Variants in KCNQ1OT1 observed in about 807,000 individuals in gnomAD.
KCNQ1OT1 encodes KCNQ1 antisense RNA 2 (non-protein coding).
chr11:2,699,966 C>T, exon 1 of KCNQ1OT1: 1 of 398,362 alleles, frequency 2.5e-6, no homozygotes, highest in Non-Finnish European at 4.4e-6. Flanking sequence ...CCCTGGAGGT[C>T]CGTGCTGAGG....
exon 1 of KCNQ1OT1, chr11:2,699,654 A>AAGAACCCCCGGGGAGAACCGCGCCGG (rs1850752012): frequency 2.8e-6 from 1 of 356,248 alleles, no homozygotes; most frequent in African/African-American, 2.2e-5. Context: ...AACCGCGCCG[A>AAGAACCCCCGGGGAGAACCGCGCCGG]AGAACCCCCG....
exon 1 of KCNQ1OT1, chr11:2,660,089 T>C (rs1849924978): frequency 1.5e-5 from 6 of 398,468 alleles, no homozygotes; most frequent in Non-Finnish European, 2.7e-5. Context: ...AGTTAAACTT[T>C]TGGTTTCGTA....
chr11:2,681,872 ACCATCTAGGTGGGGAGAAAACACACCGG>A, exon 1 of KCNQ1OT1: 1 of 398,502 alleles, frequency 2.5e-6, no homozygotes. Flanking sequence ...GCCCAGCACT[ACCATCTAGGTGGGGAGAAAACACACCGG>A]CCATAATGAA....
chr11:2,618,165 G>A, exon 1 of KCNQ1OT1: 1 of 398,368 alleles, frequency 2.5e-6, no homozygotes, highest in Non-Finnish European at 4.4e-6. Flanking sequence ...CTTATGTTTA[G>A]GTCTTTTATC....
At chr11:2,643,717 A>C (rs1362587425) in exon 1 of KCNQ1OT1, 5 of 398,406 alleles carry the variant, frequency 1.3e-5, no homozygotes, top group Non-Finnish European at 2.2e-5. Context: ...GTGTGCTTTC[A>C]TGAAGTTGTC....
chr11:2,618,996 A>C (rs1589984928), exon 1 of KCNQ1OT1: 1 of 398,238 alleles, frequency 2.5e-6, no homozygotes, highest in South Asian at 1.3e-4. Context: ...TGTGTATAGA[A>C]ATGCAACTAC....
rs976957638 is a variant in KCNQ1OT1 at position 2,670,622 on chromosome 11, G to A, written n.29373C>T. 1.5e-5 allele frequency: 6 copies of A among 398,406 alleles called. No homozygotes were observed. Among genetic ancestry groups the A allele is most frequent in the African/African-American group, 1.2e-4 (6 of 48,554 alleles). The allele number at this position is 398,406 out of a possible 1,614,324, so 24.7% of individuals were successfully genotyped here. A position where few individuals can be genotyped will look rare whatever the true frequency, so the allele number is the denominator to read the frequency against. On this transcript the variant is annotated non_coding_transcript_exon_variant, in exon 1 of 1. Transcript: ENST00000597346. This position sits in a 1 kb window ranked among gnomAD's most constrained non-coding sequence, Gnocchi z 4.9. Reference sequence around the variant, plus strand: ...AGACACACAATCTCTGGGGGAGCCTGGATATGCATGGCAGAGGCCAGGATG... The same window carrying A: ...AGACACACAATCTCTGGGGGAGCCTAGATATGCATGGCAGAGGCCAGGATG...
exon 1 of KCNQ1OT1, chr11:2,644,823 A>G: frequency 2.5e-6 from 1 of 398,672 alleles, no homozygotes; most frequent in Middle Eastern, 6.3e-4. Context: ...AAACAGCACC[A>G]GTAGTGTCTG....
exon 1 of KCNQ1OT1, chr11:2,699,648 G>A: frequency 2.8e-6 from 1 of 359,288 alleles, no homozygotes; most frequent in Non-Finnish European, 5.0e-6. Context: ...GGGGACAACC[G>A]CGCCGAAGAA....
At chr11:2,681,055 C>A (rs1850388827) in exon 1 of KCNQ1OT1, 1 of 398,384 alleles carries the variant, frequency 2.5e-6, no homozygotes, top group Non-Finnish European at 4.4e-6. Flanking sequence ...AATGTGGGCT[C>A]CAAAAAGAGA....
exon 1 of KCNQ1OT1, chr11:2,615,425 A>G (rs1404321469): frequency 5.0e-6 from 2 of 397,908 alleles, no homozygotes; most frequent in African/African-American, 4.1e-5. Context: ...CATGGTTAAA[A>G]CTTTCAGTAC....
chr11:2,661,973 C>G lies in KCNQ1OT1; in HGVS notation n.38022G>C. ...ACTTTCTCCTCAGTAAGGAAGAGCC[C>G]AACACTGCTGGAAGTGAGCATGCCC... is the stretch of plus-strand genomic sequence containing the variant. On this transcript the variant is annotated non_coding_transcript_exon_variant, in exon 1 of 1. Transcript: ENST00000597346. The surrounding 1 kb of genome is among the most constrained non-coding windows in gnomAD (Gnocchi z 5.9). The G allele has an allele frequency of 6.2e-7, 1 of 1,614,192 alleles. No individual in the cohort carries two copies. Among genetic ancestry groups the G allele is most frequent in the Non-Finnish European group, 8.5e-7 (1 of 1,180,040 alleles).
Position 2,679,054 on chromosome 11 carries a change from C to T in KCNQ1OT1, n.20941G>A. 2 of 398,608 alleles carry T rather than the reference C, an allele frequency of 5.0e-6. No homozygotes were observed. Among genetic ancestry groups the T allele is most frequent in the Non-Finnish European group, 8.8e-6 (2 of 226,064 alleles). The allele number at this position is 398,608 out of a possible 1,614,324, so 24.7% of individuals were successfully genotyped here. On this transcript the variant is annotated non_coding_transcript_exon_variant, in exon 1 of 1. Coordinates refer to ENST00000597346, the Ensembl canonical transcript of KCNQ1OT1. The surrounding 1 kb of genome is among the most constrained non-coding windows in gnomAD (Gnocchi z 4.8). ...AGCCCAGCCCCTCCTCCATACCAACCACCAAAAAAACCCACTAACACCATA... is the reference window on the plus strand; with the variant it reads ...AGCCCAGCCCCTCCTCCATACCAACTACCAAAAAAACCCACTAACACCATA...
rs1850162896 is a variant in KCNQ1OT1 at position 2,670,457 on chromosome 11, C to T, written n.29538G>A. ...ACTGCTGTTGGCTGAGACACACAGC[C>T]CACATCCTTGGTAGGTCCCTCAGAG... On this transcript the variant is annotated non_coding_transcript_exon_variant, in exon 1 of 1. Transcript: ENST00000597346. This position sits in a 1 kb window ranked among gnomAD's most constrained non-coding sequence, Gnocchi z 4.9. 7.5e-6 allele frequency: 3 copies of T among 397,478 alleles called. No individual in the cohort carries two copies. Among genetic ancestry groups the T allele is most frequent in the South Asian group, 2.6e-4 (2 of 7,788 alleles). The allele number at this position is 397,478 out of a possible 1,614,324, so 24.6% of individuals were successfully genotyped here. A position where few individuals can be genotyped will look rare whatever the true frequency, so the allele number is the denominator to read the frequency against.
At position 2,671,678 on chromosome 11, in the gene KCNQ1OT1, CTT is replaced by C. The variant is rs1470335371; in HGVS notation, n.28315_28316del. ...AAACTGAGGCAGAGAGCAGGGGTGACTTTGCAAGGCAATAGAGGGTACTTGGG... is the reference window on the plus strand; with the variant it reads ...AAACTGAGGCAGAGAGCAGGGGTGACTGCAAGGCAATAGAGGGTACTTGGG... On this transcript the variant is annotated non_coding_transcript_exon_variant, in exon 1 of 1. Transcript: ENST00000597346. The surrounding 1 kb of genome is among the most constrained non-coding windows in gnomAD (Gnocchi z 4.7). The C allele has an allele frequency of 7.5e-6, 3 of 398,592 alleles. No homozygotes were observed. The highest frequency in any genetic ancestry group is 2.1e-5 in the African/African-American group (1 of 48,594). 24.7% of individuals were successfully genotyped at this position (398,592 alleles called of 1,614,324 possible).
Position 2,673,770 on chromosome 11 carries a change from G to A in KCNQ1OT1, n.26225C>T, listed in dbSNP as rs962866815. 5.0e-6 allele frequency: 2 copies of A among 398,596 alleles called. No homozygotes were observed. Among genetic ancestry groups the A allele is most frequent in the African/African-American group, 2.1e-5 (1 of 48,632 alleles). 24.7% of individuals were successfully genotyped at this position (398,596 alleles called of 1,614,324 possible). A position where few individuals can be genotyped will look rare whatever the true frequency, so the allele number is the denominator to read the frequency against. Reference sequence around the variant, plus strand: ...GGGTACAGTCCCTTCTTGCTGGTATGTTGGGAAGCTCTGGTGCAAAGGGCA... The same window carrying A: ...GGGTACAGTCCCTTCTTGCTGGTATATTGGGAAGCTCTGGTGCAAAGGGCA... On this transcript the variant is annotated non_coding_transcript_exon_variant, in exon 1 of 1. Transcript: ENST00000597346. The surrounding 1 kb of genome is among the most constrained non-coding windows in gnomAD (Gnocchi z 4.5).
chr11:2,628,497 GT>G (rs1376595889), exon 1 of KCNQ1OT1: 2 of 398,232 alleles, frequency 5.0e-6, no homozygotes, highest in South Asian at 1.3e-4. Flanking sequence ...GGGTTATTAA[GT>G]TTTTTTGCTA....
chr11:2,676,971 C>T lies in KCNQ1OT1; in HGVS notation n.23024G>A, dbSNP rs1850304931. ...TGTATTAAGACATCTAGCAAATCTC[C>T]TTTTCATTAACAGCTGCAGAGTTTC... On this transcript the variant is annotated non_coding_transcript_exon_variant, in exon 1 of 1. Coordinates refer to ENST00000597346, the Ensembl canonical transcript of KCNQ1OT1. This position sits in a 1 kb window ranked among gnomAD's most constrained non-coding sequence, Gnocchi z 4.2. The T allele has an allele frequency of 5.0e-6, 2 of 398,628 alleles. No homozygotes were observed. Among genetic ancestry groups the T allele is most frequent in the South Asian group, 2.5e-4 (2 of 7,856 alleles). The allele number at this position is 398,628 out of a possible 1,614,324, so 24.7% of individuals were successfully genotyped here. A position where few individuals can be genotyped will look rare whatever the true frequency, so the allele number is the denominator to read the frequency against.
At chr11:2,632,258 A>G (rs753688628) in exon 1 of KCNQ1OT1, 21 of 397,840 alleles carry the variant, frequency 5.3e-5, no homozygotes, top group Non-Finnish European at 9.3e-5. Context: ...TTGCTGAATT[A>G]ATTTATTCAG....
Sources: allele counts gnomAD v4.1 joint callset, GRCh38; gene constraint gnomAD v4.1.1; non-coding constraint Gnocchi (gnomAD v3.1); transcripts MANE v1.5; gene names NCBI Gene and HGNC (gene_info 2026-07-23, HGNC 2026-07-21).